Variants in NRG3 observed in about 807,000 individuals in gnomAD.
The protein encoded by NRG3 is neuregulin 3.
NRG3 carries 31 observed loss-of-function variants against 66.9 expected under a neutral mutation model. The ratio of observed to expected loss-of-function variants is 0.46; its 90% CI spans 0.35 to 0.63. The LOEUF (loss-of-function observed/expected upper bound fraction) is 0.63. NRG3 is among the 20% of genes least tolerant of loss of function. The probability of loss-of-function intolerance (pLI) is 0.00; values close to 1 mark genes in which losing one functional copy is unlikely to be tolerated. For missense variants in NRG3, 910 were observed against 878.9 expected (o/e 1.04, Z -0.45); for synonymous variants, 393 against 359.4 (o/e 1.09, Z -1.06).
chr10:81,959,891 A>T (rs1850192180), intron 1 of NRG3, among the ~76,000 whole-genome samples: 1 of 151,892 alleles, frequency 6.6e-6, no homozygotes, highest in African/African-American at 2.4e-5. Context: ...AAGTTTATTT[A>T]TTTTTTCCCT....
intron 4 of NRG3, among the ~76,000 whole-genome samples, chr10:82,922,076 C>T (rs1450402528): frequency 2.6e-5 from 4 of 151,846 alleles, no homozygotes; most frequent in Non-Finnish European, 5.9e-5. Context: ...AGCTTTTATA[C>T]ATTGTCTTCT....
intron 1 of NRG3, among the ~76,000 whole-genome samples, chr10:82,020,760 A>T (rs772220126): frequency 2.0e-5 from 3 of 152,096 alleles, no homozygotes; most frequent in Non-Finnish European, 2.9e-5. Flanking sequence ...TTATCTCCAA[A>T]GAATGGTCAA....
At chr10:82,843,459 G>A (rs949393738) in intron 3 of NRG3, among the ~76,000 whole-genome samples, 5 of 152,102 alleles carry the variant, frequency 3.3e-5, no homozygotes, top group African/African-American at 4.8e-5. Flanking sequence ...TCTATTCATC[G>A]TAAATTACAC....
intron 4 of NRG3, among the ~76,000 whole-genome samples, chr10:82,947,953 T>C (rs1849170740): frequency 6.6e-6 from 1 of 152,086 alleles, no homozygotes; most frequent in African/African-American, 2.4e-5. Flanking sequence ...AAATATTTTC[T>C]AGTTTGTAGC....
intron 3 of NRG3, among the ~76,000 whole-genome samples, chr10:82,761,640 CAA>C (rs1445434928): frequency 1.3e-5 from 2 of 151,104 alleles, no homozygotes; most frequent in Non-Finnish European, 3.0e-5. Flanking sequence ...GAAGGAAAAT[CAA>C]AAGTCAATGC....
chr10:82,314,513 AAAAT>A (rs997981962), intron 1 of NRG3, among the ~76,000 whole-genome samples: 1 of 152,174 alleles, frequency 6.6e-6, no homozygotes, highest in Non-Finnish European at 1.5e-5. Flanking sequence ...ACTGCATTAA[AAAAT>A]AAATAAATAG....
chr10:82,074,789 A>T (rs1409913098), intron 1 of NRG3, among the ~76,000 whole-genome samples: 1 of 152,240 alleles, frequency 6.6e-6, no homozygotes, highest in African/African-American at 2.4e-5. Flanking sequence ...GTGAGCTGCA[A>T]TCCTGTCATT....
chr10:82,036,931 C>T (rs971385735), intron 1 of NRG3, among the ~76,000 whole-genome samples: 4 of 152,100 alleles, frequency 2.6e-5, no homozygotes, highest in African/African-American at 9.7e-5. Flanking sequence ...TGTCAATAGC[C>T]AGATTCACCA....
Position 82,648,663 on chromosome 10 carries a change from G to A in NRG3, c.954-89914G>A, listed in dbSNP as rs183691592. On this transcript the variant is annotated intron_variant, in intron 2 of 8. Transcript: ENST00000372141. ...GCATGGAATGTTCTTCCATTTGTTT[G>A]TATCCTCTTCTATTTCATTGAGCAG... Among the ~76,000 whole-genome samples the A allele has an allele frequency of 3.8e-3, 582 of 152,202 alleles. 3 individuals carry two copies. Among genetic ancestry groups the A allele is most frequent in the African/African-American group, 0.013 (544 of 41,524 alleles).
intron 1 of NRG3, among the ~76,000 whole-genome samples, chr10:82,320,497 A>G (rs2081511846): frequency 6.6e-6 from 1 of 152,170 alleles, no homozygotes; most frequent in Non-Finnish European, 1.5e-5. Flanking sequence ...GGTGAAATTG[A>G]CCAAGTCACT....
intron 5 of NRG3, among the ~76,000 whole-genome samples, 167 bp from the exon 6 acceptor site, chr10:82,958,782 G>T (rs1038238410): frequency 3.9e-5 from 6 of 152,168 alleles, no homozygotes; most frequent in South Asian, 2.1e-4. Flanking sequence ...CACTAAACTG[G>T]AAGTATTTCT....
intron 1 of NRG3, among the ~76,000 whole-genome samples, chr10:82,273,571 A>C (rs1273181796): frequency 6.6e-6 from 1 of 152,062 alleles, no homozygotes; most frequent in Non-Finnish European, 1.5e-5. Flanking sequence ...TGTTTCAAAA[A>C]TATTTTGAGT....
chr10:82,832,748 A>T (rs1054539868), intron 3 of NRG3, among the ~76,000 whole-genome samples: 6 of 152,048 alleles, frequency 3.9e-5, no homozygotes, highest in Admixed American at 2.0e-4. Context: ...TGATGTGAAA[A>T]AGTGCTTAAG....
At chr10:82,759,097 A>T (rs1229657253) in intron 3 of NRG3, among the ~76,000 whole-genome samples, 1 of 152,072 alleles carries the variant, frequency 6.6e-6, no homozygotes, top group African/African-American at 2.4e-5. Context: ...TCATGAAGAG[A>T]TTAATGTCCT....
At chr10:82,301,057 A>G (rs916210631) in intron 1 of NRG3, among the ~76,000 whole-genome samples, 7 of 152,222 alleles carry the variant, frequency 4.6e-5, no homozygotes, top group Non-Finnish European at 8.8e-5. Flanking sequence ...AATGTGCATT[A>G]AAATATCTCT....
At chr10:82,186,902 C>A (rs2073842632) in intron 1 of NRG3, among the ~76,000 whole-genome samples, 1 of 151,992 alleles carries the variant, frequency 6.6e-6, no homozygotes, top group Admixed American at 6.6e-5. Context: ...ACAGGGAATC[C>A]CACTTAGGAG....
chr10:82,058,430 A>G (rs1027701164), intron 1 of NRG3, among the ~76,000 whole-genome samples: 2 of 151,830 alleles, frequency 1.3e-5, no homozygotes, highest in African/African-American at 2.4e-5. Flanking sequence ...TATTTCTTCT[A>G]GTTCTTCCTA....
intron 1 of NRG3, among the ~76,000 whole-genome samples, chr10:82,231,171 C>A (rs1488310613): frequency 6.6e-6 from 1 of 151,912 alleles, no homozygotes; most frequent in African/African-American, 2.4e-5. Context: ...GGTGAAACCC[C>A]GTCTCTACTA....
At chr10:82,142,193 C>T (rs1307845582) in intron 1 of NRG3, among the ~76,000 whole-genome samples, 2 of 152,164 alleles carry the variant, frequency 1.3e-5, no homozygotes, top group African/African-American at 2.4e-5. Flanking sequence ...TATACCAAAG[C>T]TTTGTATTCC....
Sources: gnomAD v4.1 joint callset for allele counts (sites outside exome capture counted in the v4.1 genomes callset) on GRCh38, gnomAD v4.1.1 for gene constraint, MANE v1.5 for transcripts, NCBI Gene and HGNC (gene_info 2026-07-23, HGNC 2026-07-21) for gene names.